The following PPM1L variants were observed in gnomAD, a reference collection of about 807,000 sequenced individuals.
The protein encoded by PPM1L is protein phosphatase, Mg2+/Mn2+ dependent 1L.
A neutral mutation model predicts 31.4 loss-of-function variants in PPM1L; 13 were observed. That is an observed-to-expected ratio of 0.41 (90% CI 0.27 to 0.66). PPM1L has a LOEUF of 0.66. Ranked by LOEUF, PPM1L falls within the 30% of genes least tolerant of loss-of-function variation. The pLI is 0.29. For missense variants in PPM1L, 326 were observed against 453.7 expected (o/e 0.72, Z 2.56); for synonymous variants, 184 against 175.4 (o/e 1.05, Z -0.39).
chr3:160,763,337 T>C (rs1199243105), intron 1 of PPM1L, among the ~76,000 whole-genome samples: 1 of 152,198 alleles, frequency 6.6e-6, no homozygotes, highest in African/African-American at 2.4e-5. Flanking sequence ...CACAGAGTTA[T>C]GGGCAGTGTT....
intron 1 of PPM1L, among the ~76,000 whole-genome samples, chr3:160,816,791 CT>C (rs1469026624): frequency 6.6e-6 from 1 of 152,074 alleles, no homozygotes; most frequent in Non-Finnish European, 1.5e-5. Context: ...GATTTGAGAA[CT>C]TGTTTGGCCT....
rs1720046098 is a variant in PPM1L at position 161,074,628 on chromosome 3, G to C, written c.*5471G>C. 1 of 152,176 alleles carries C rather than the reference G, an allele frequency of 6.6e-6. No homozygotes were observed. The highest frequency in any genetic ancestry group is 1.5e-5 in the Non-Finnish European group (1 of 68,036). 9.4% of individuals were successfully genotyped at this position (152,176 alleles called of 1,614,324 possible). A position where few individuals can be genotyped will look rare whatever the true frequency, so the allele number is the denominator to read the frequency against. The stretch of plus-strand genomic sequence containing the variant: ...ATTTTTTCTAATATGTAAATTTGCT[G>C]ATCCTTAGTAATGTTAATGCTTTGT... On this transcript the variant is annotated 3_prime_UTR_variant, in exon 4 of 4. Transcript: ENST00000498165.
chr3:160,810,678 C>T lies in PPM1L; in HGVS notation c.399+53971C>T, dbSNP rs1022730210. Among the ~76,000 whole-genome samples, 6 of 152,170 alleles carry T rather than the reference C, an allele frequency of 3.9e-5. No homozygotes were observed. In the East Asian group the frequency reaches 7.7e-4, roughly 20 times the overall value. On this transcript the variant is annotated intron_variant, in intron 1 of 3. Transcript: ENST00000498165. ...GCACATAGCTACTAGCATTTGCTTA[C>T]GGATGACCTGCCAGCAAATCCTGGA...
chr3:160,969,633 A>G (rs543868029), intron 2 of PPM1L, among the ~76,000 whole-genome samples: 1 of 152,330 alleles, frequency 6.6e-6, no homozygotes, highest in Admixed American at 6.5e-5. Context: ...AAGAGGTGAC[A>G]CTAAGGTTTC....
chr3:160,909,219 G>C (rs1399446719), intron 1 of PPM1L, among the ~76,000 whole-genome samples: 1 of 152,178 alleles, frequency 6.6e-6, no homozygotes, highest in Non-Finnish European at 1.5e-5. Context: ...GATAGTGTAG[G>C]AGGAATGAGG....
intron 1 of PPM1L, among the ~76,000 whole-genome samples, chr3:160,769,369 T>C (rs374409317): frequency 1.3e-5 from 2 of 152,184 alleles, no homozygotes; most frequent in African/African-American, 2.4e-5. Context: ...AAATAGACTT[T>C]AGAGGACTTC....
intron 2 of PPM1L, among the ~76,000 whole-genome samples, chr3:160,996,861 T>G (rs560692089): frequency 1.3e-5 from 2 of 152,264 alleles, no homozygotes; most frequent in African/African-American, 4.8e-5. Flanking sequence ...ATGAAGATTG[T>G]GTTCACAGAG....
intron 1 of PPM1L, among the ~76,000 whole-genome samples, chr3:160,911,721 A>T (rs550442854): frequency 2.0e-5 from 3 of 152,210 alleles, no homozygotes; most frequent in Non-Finnish European, 2.9e-5. Flanking sequence ...AGCAAGACAC[A>T]GCCTTTTCAC....
At chr3:160,935,726 G>A (rs545491092) in intron 1 of PPM1L, among the ~76,000 whole-genome samples, 41 of 152,310 alleles carry the variant, frequency 2.7e-4, no homozygotes, top group African/African-American at 8.4e-4. Context: ...TCATTAACTC[G>A]TTGATATTTA....
At chr3:161,039,515 ATTTTATTTTTTATG>A (rs1309977795) in intron 2 of PPM1L, among the ~76,000 whole-genome samples, 3 of 151,836 alleles carry the variant, frequency 2.0e-5, no homozygotes, top group African/African-American at 7.3e-5. Flanking sequence ...CATACCTCAT[ATTTTATTTTTTATG>A]TTTTATTTTT....
chr3:160,834,912 C>T (rs548292962), intron 1 of PPM1L, among the ~76,000 whole-genome samples: 6 of 151,992 alleles, frequency 3.9e-5, no homozygotes, highest in South Asian at 4.2e-4. Context: ...GGTTTAGTGT[C>T]GACATAGGTT....
chr3:160,821,509 T>C (rs887865514), intron 1 of PPM1L, among the ~76,000 whole-genome samples: 1 of 152,116 alleles, frequency 6.6e-6, no homozygotes, highest in Admixed American at 6.6e-5. Context: ...ACAGTTTTCA[T>C]ATGTAATCCT....
intron 1 of PPM1L, among the ~76,000 whole-genome samples, chr3:160,955,103 C>T (rs1030814746): frequency 4.6e-5 from 7 of 151,846 alleles, no homozygotes; most frequent in Admixed American, 3.3e-4. Context: ...CTCTGCCTTC[C>T]GGGTTCAAGC....
At chr3:161,067,238 C>G (rs913658202) in intron 3 of PPM1L, among the ~76,000 whole-genome samples, 4 of 152,200 alleles carry the variant, frequency 2.6e-5, no homozygotes, top group Non-Finnish European at 5.9e-5. Context: ...ATACCCACTA[C>G]CCACGCCTGC....
intron 2 of PPM1L, among the ~76,000 whole-genome samples, chr3:161,034,139 A>G (rs895044908): frequency 2.0e-5 from 3 of 152,230 alleles, no homozygotes. Context: ...CAAAACCACA[A>G]TGAGATACTA....
intron 2 of PPM1L, among the ~76,000 whole-genome samples, chr3:160,986,213 G>C (rs867401178): frequency 6.6e-6 from 1 of 152,100 alleles, no homozygotes; most frequent in African/African-American, 2.4e-5. Flanking sequence ...AGAGCCATCT[G>C]GTATCTTGGT....
intron 1 of PPM1L, among the ~76,000 whole-genome samples, chr3:160,814,417 T>A (rs1231965122): frequency 6.6e-6 from 1 of 151,564 alleles, no homozygotes; most frequent in African/African-American, 2.4e-5. Context: ...ATTGCAAAAA[T>A]ATGGAACCAG....
intron 1 of PPM1L, among the ~76,000 whole-genome samples, chr3:160,928,775 C>G (rs1714685415): frequency 6.6e-6 from 1 of 152,128 alleles, no homozygotes; most frequent in African/African-American, 2.4e-5. Context: ...GCGAGGACAC[C>G]TAGATGGTGC....
At chr3:160,901,769 C>A (rs958415213) in intron 1 of PPM1L, among the ~76,000 whole-genome samples, 3 of 152,092 alleles carry the variant, frequency 2.0e-5, no homozygotes, top group Non-Finnish European at 4.4e-5. Context: ...CATCCTCATT[C>A]TTTTTTCTTA....
Sources: gnomAD v4.1 joint callset for allele counts (sites outside exome capture counted in the v4.1 genomes callset) on GRCh38, gnomAD v4.1.1 for gene constraint, MANE v1.5 for transcripts, NCBI Gene and HGNC (gene_info 2026-07-23, HGNC 2026-07-21) for gene names.